The following ZNHIT6 variants were observed in gnomAD, a reference collection of about 807,000 sequenced individuals.
ZNHIT6 encodes the protein box C/D snoRNA protein 1.
A neutral mutation model predicts 57.2 loss-of-function variants in ZNHIT6; 45 were observed. That is an observed-to-expected ratio of 0.79 (90% CI 0.62 to 1.01). The LOEUF (loss-of-function observed/expected upper bound fraction) is 1.01. ZNHIT6 is among the 50% of genes least tolerant of loss of function. The pLI, the probability that ZNHIT6 is intolerant of heterozygous loss-of-function variation, is 0.00. For missense variants in ZNHIT6, 528 were observed against 567.3 expected, an observed-to-expected ratio of 0.93 and a Z score of 0.70; for synonymous variants, 188 against 190.0, an observed-to-expected ratio of 0.99 and a Z score of 0.09.
chr1:85,696,175 ATTTT>A (rs11327941), intron 5 of ZNHIT6, among the ~76,000 whole-genome samples: 1 of 143,730 alleles, frequency 7.0e-6, no homozygotes, highest in Non-Finnish European at 1.5e-5. Context: ...TATTAACTGC[ATTTT>A]TTTTTTTTTT....
At chr1:85,696,777 T>G (rs1390776018) in intron 5 of ZNHIT6, among the ~76,000 whole-genome samples, 4 of 152,038 alleles carry the variant, frequency 2.6e-5, no homozygotes, top group Non-Finnish European at 4.4e-5. Context: ...CATACTTTCA[T>G]TATATTAGAT....
intron 5 of ZNHIT6, among the ~76,000 whole-genome samples, chr1:85,698,908 A>G (rs1293938301): frequency 6.6e-6 from 1 of 152,128 alleles, no homozygotes; most frequent in Admixed American, 6.5e-5. Context: ...CAGTGAAGGG[A>G]ATGTAAATTT....
chr1:85,675,026 G>C (rs1661661290), intron 8 of ZNHIT6, among the ~76,000 whole-genome samples: 1 of 152,158 alleles, frequency 6.6e-6, no homozygotes, highest in Admixed American at 6.5e-5. Context: ...CGAAGTGGAT[G>C]GAAATCTCTT....
At chr1:85,666,187 T>C (rs964773653) in intron 8 of ZNHIT6, among the ~76,000 whole-genome samples, 46 of 152,202 alleles carry the variant, frequency 3.0e-4, no homozygotes, top group African/African-American at 1.1e-3. Context: ...AAGGTAAAGA[T>C]AGGAGGAGAG....
intron 5 of ZNHIT6, among the ~76,000 whole-genome samples, chr1:85,681,861 G>C (rs984910065): frequency 1.3e-4 from 20 of 151,882 alleles, no homozygotes; most frequent in Admixed American, 1.2e-3. Context: ...TTAAAAATTT[G>C]AATGCAAAAG....
In ZNHIT6 at chr1:85,708,277, A is replaced by G. The variant is rs1420724467; in HGVS notation, c.8T>C (p.Phe3Ser). Residue 3 changes from phenylalanine to serine, a missense_variant, in exon 1 of 10, where the codon TTT becomes TCT. Physicochemically the swap from Phe to Ser is radical, Grantham distance 155. Coordinates refer to ENST00000370574, the MANE Select transcript of ZNHIT6 (RefSeq NM_017953.4). ...AGACTTCCCTTCATTTTCAGCAGCA[A>G]ACTCCATCAACTCACGATCCTTGGC... ME[F>S]AAENEGKSGG... is the part of the protein sequence containing the mutation. The G allele has an allele frequency of 1.3e-6, 2 of 1,596,920 alleles. No homozygotes were observed. Among genetic ancestry groups the G allele is most frequent in the East Asian group, 2.2e-5 (1 of 44,504 alleles).
At position 85,678,790 on chromosome 1, in the gene ZNHIT6, C is replaced by G. The variant is rs1423755425; in HGVS notation, c.1089-9G>C. ...TTTTATCATCTGGTACTCTTTACAA[C>G]AAAGAAAAAAAAACAAGCTATATTA... On this transcript the variant is annotated splice_polypyrimidine_tract_variant and intron_variant, in intron 6 of 9. Transcript: ENST00000370574. 7.1e-7 allele frequency: 1 copy of G among 1,412,076 alleles called. No homozygotes were observed. Among genetic ancestry groups the G allele is most frequent in the African/African-American group, 1.5e-5 (1 of 66,864 alleles). The allele number at this position is 1,412,076 out of a possible 1,614,324, so 87.5% of individuals were successfully genotyped here.
chr1:85,676,154 T>C (rs930165523), intron 8 of ZNHIT6, among the ~76,000 whole-genome samples: 9 of 151,810 alleles, frequency 5.9e-5, no homozygotes, highest in African/African-American at 1.9e-4. Context: ...CTGACCAACA[T>C]GGAGAAACCC....
At chr1:85,681,023 T>C in intron 5 of ZNHIT6, 119 bp from the exon 6 acceptor site, 1 of 669,230 alleles carries the variant, frequency 1.5e-6, no homozygotes, top group East Asian at 2.9e-5. Flanking sequence ...CTTTAACATA[T>C]ATTTTCTATT....
chr1:85,697,226 T>C (rs1341966212), intron 5 of ZNHIT6, among the ~76,000 whole-genome samples: 2 of 152,146 alleles, frequency 1.3e-5, no homozygotes, highest in African/African-American at 4.8e-5. Flanking sequence ...CTTTTTTTCT[T>C]AATAATGCAT....
At chr1:85,663,936 A>ATGTAGCCG (rs1661292607) in intron 8 of ZNHIT6, among the ~76,000 whole-genome samples, 1 of 150,838 alleles carries the variant, frequency 6.6e-6, no homozygotes. Flanking sequence ...CTCTGTAGCC[A>ATGTAGCCG]CTCTGTAGGT....
At chr1:85,687,799 T>C (rs563116312) in intron 5 of ZNHIT6, among the ~76,000 whole-genome samples, 2 of 152,314 alleles carry the variant, frequency 1.3e-5, no homozygotes, top group South Asian at 4.1e-4. Context: ...ACATGTCTGT[T>C]TTCAGAATAC....
intron 8 of ZNHIT6, among the ~76,000 whole-genome samples, chr1:85,666,817 T>C (rs1271168487): frequency 6.6e-6 from 1 of 152,196 alleles, no homozygotes; most frequent in Non-Finnish European, 1.5e-5. Flanking sequence ...AGGTTAACTC[T>C]AACATTTTCT....
intron 8 of ZNHIT6, among the ~76,000 whole-genome samples, chr1:85,662,654 A>G (rs1033920354): frequency 1.3e-5 from 2 of 152,114 alleles, no homozygotes; most frequent in Admixed American, 1.3e-4. Context: ...TTCTCACCCA[A>G]TCTCTCTTAG....
At chr1:85,672,183 T>C (rs1165989718) in intron 8 of ZNHIT6, among the ~76,000 whole-genome samples, 1 of 152,130 alleles carries the variant, frequency 6.6e-6, no homozygotes, top group Non-Finnish European at 1.5e-5. Flanking sequence ...TCTCCAGACC[T>C]TACTTTTATC....
chr1:85,684,848 T>A (rs191860194), intron 5 of ZNHIT6, among the ~76,000 whole-genome samples: 1 of 152,282 alleles, frequency 6.6e-6, no homozygotes, highest in Admixed American at 6.5e-5. Context: ...AATTGCAAAT[T>A]TTCGTATGGG....
At position 85,677,714 on chromosome 1, in the gene ZNHIT6, G is replaced by A. The variant is rs574485982; in HGVS notation, c.1170-401C>T. Among the ~76,000 whole-genome samples the A allele has an allele frequency of 3.3e-5, 5 of 152,302 alleles. No homozygotes were observed. In the East Asian group the frequency reaches 9.6e-4, roughly 29 times the overall value. ...CATGGGTCTGGTTCAGTCTGGGCATGACCTTTTATCAAAAGCAAAAGAATG... is the reference window on the plus strand; with the variant it reads ...CATGGGTCTGGTTCAGTCTGGGCATAACCTTTTATCAAAAGCAAAAGAATG... On this transcript the variant is annotated intron_variant, in intron 7 of 9. Coordinates refer to ENST00000370574, the MANE Select transcript of ZNHIT6 (RefSeq NM_017953.4).
In ZNHIT6 at chr1:85,678,749, A is replaced by G. The variant is rs1361063125; in HGVS notation, c.1121T>C (p.Leu374Pro). 2 of 1,590,472 alleles carry G rather than the reference A, an allele frequency of 1.3e-6. No individual in the cohort carries two copies. Among genetic ancestry groups the G allele is most frequent in the South Asian group, 1.2e-5 (1 of 86,922 alleles). ...CTTTTCAGGATCAATGTAAGGTTTTAGGATTTCATTAATAGTTTTATCATC... is the reference window on the plus strand; with the variant it reads ...CTTTTCAGGATCAATGTAAGGTTTTGGGATTTCATTAATAGTTTTATCATC... ...VPDDKTINEILKPYIDPEKSD... is the reference protein window; with the variant it reads ...VPDDKTINEIPKPYIDPEKSD... Residue 374 changes from leucine (L) to proline (P), a missense_variant, in exon 7 of 10, where the codon CTA (leucine) becomes CCA (proline). Coordinates refer to ENST00000370574, the MANE Select transcript of ZNHIT6 (RefSeq NM_017953.4).
chr1:85,662,853 C>T (rs1036953251), intron 8 of ZNHIT6, among the ~76,000 whole-genome samples: 4 of 152,084 alleles, frequency 2.6e-5, no homozygotes, highest in Admixed American at 6.6e-5. Context: ...GGTAAATTAT[C>T]CTATTCTAAC....
Sources: gnomAD v4.1 joint callset for allele counts (sites outside exome capture counted in the v4.1 genomes callset) on GRCh38, gnomAD v4.1.1 for gene constraint, MANE v1.5 for transcripts, NCBI Gene and HGNC (gene_info 2026-07-23, HGNC 2026-07-21) for gene names.